The following EYA1 variants were observed in gnomAD, a reference collection of about 807,000 sequenced individuals.
The protein encoded by EYA1 is protein phosphatase EYA1.
Under a neutral mutation model 82.0 loss-of-function variants are expected in EYA1, and 16 were observed. The observed-to-expected ratio is 0.20, with a 90% CI of 0.13 to 0.30. The LOEUF (loss-of-function observed/expected upper bound fraction) is 0.30. Ranked by LOEUF, EYA1 falls within the 10% of genes least tolerant of loss-of-function variation. The pLI, the probability that EYA1 is intolerant of heterozygous loss-of-function variation, is 1.00. For missense variants in EYA1, 633 were observed against 730.7 expected, an observed-to-expected ratio of 0.87 and a Z score of 1.54; for synonymous variants, 261 against 264.4, an observed-to-expected ratio of 0.99 and a Z score of 0.12.
intron 2 of EYA1, among the ~76,000 whole-genome samples, chr8:71,427,317 G>A (rs1026814212): frequency 2.0e-5 from 3 of 152,010 alleles, no homozygotes; most frequent in African/African-American, 2.4e-5. Flanking sequence ...TTATTATATC[G>A]ACTCCCCTGC....
At chr8:71,231,541 TCA>T (rs1475801501) in intron 12 of EYA1, among the ~76,000 whole-genome samples, 6 of 152,348 alleles carry the variant, frequency 3.9e-5, no homozygotes, top group African/African-American at 1.4e-4. Context: ...ATCCCATCTC[TCA>T]GACTCTAGCT....
chr8:71,308,902 C>A (rs1166537058), intron 7 of EYA1, among the ~76,000 whole-genome samples: 1 of 152,064 alleles, frequency 6.6e-6, no homozygotes, highest in African/African-American at 2.4e-5. Context: ...GTTTGTCCCT[C>A]GTGTATTTTC....
chr8:71,508,450 C>A (rs1812357212), intron 2 of EYA1, among the ~76,000 whole-genome samples: 2 of 152,126 alleles, frequency 1.3e-5, no homozygotes, highest in African/African-American at 2.4e-5. Flanking sequence ...CAAACTAGTG[C>A]TTTGAAAGGA....
At chr8:71,276,813 C>T (rs1817228609) in intron 9 of EYA1, among the ~76,000 whole-genome samples, 1 of 152,174 alleles carries the variant, frequency 6.6e-6, no homozygotes, top group Non-Finnish European at 1.5e-5. Flanking sequence ...CATTTTGACT[C>T]TTGACTGTAC....
At chr8:71,450,350 TA>T (rs1807260001) in intron 2 of EYA1, among the ~76,000 whole-genome samples, 1 of 152,198 alleles carries the variant, frequency 6.6e-6, no homozygotes, top group South Asian at 2.1e-4. Context: ...ATTGTAGGGT[TA>T]TTAACAGACC....
At chr8:71,518,235 ATACT>A (rs1164043963) in intron 2 of EYA1, among the ~76,000 whole-genome samples, 1 of 152,102 alleles carries the variant, frequency 6.6e-6, no homozygotes, top group African/African-American at 2.4e-5. Context: ...TCTTTACTAC[ATACT>A]TACTTAGAGT....
At position 71,321,739 on chromosome 8, in the gene EYA1, G is replaced by A. The variant is rs1245501738; in HGVS notation, c.413C>T (p.Ser138Leu). The A allele has an allele frequency of 1.9e-6, 3 of 1,614,104 alleles. No individual in the cohort carries two copies. The highest frequency in any genetic ancestry group is 2.5e-6 in the Non-Finnish European group (3 of 1,179,980). The change falls in exon 6 of 18, where the codon TCA (serine) becomes TTA (leucine). Residue 138 changes from serine (S) to leucine (L), a missense_variant. Transcript: ENST00000340726. ...PQPGQPYGIS[S>L]YGALWAGIKT... is the part of the protein sequence containing the mutation. ...TACAGTTGCAGGTTACTCACCATAT[G>A]AGGAAATGCCGTACGGCTGTCCTGG...
In EYA1 at chr8:71,395,880, T is replaced by TACC. The variant is rs1376608264; in HGVS notation, c.34-39370_34-39369insGGT. Reference sequence around the variant, plus strand: ...CAGAAGGAATGGTACCAGCTCCTGTTTGTACATGTGGTAGAATTCGGCTGT... The same window carrying TACC: ...CAGAAGGAATGGTACCAGCTCCTGTTACCTGTACATGTGGTAGAATTCGGCTGT... On this transcript the variant is annotated intron_variant, in intron 2 of 18. Transcript: ENST00000643681. Among the ~76,000 whole-genome samples the TACC allele has an allele frequency of 6.2e-4, 94 of 152,288 alleles. 1 individual carries two copies. In the East Asian group the frequency reaches 0.015, roughly 24 times the overall value.
intron 7 of EYA1, among the ~76,000 whole-genome samples, chr8:71,309,393 C>G (rs1313653404): frequency 6.6e-6 from 1 of 151,486 alleles, no homozygotes; most frequent in African/African-American, 2.4e-5. Flanking sequence ...ACATAAAATG[C>G]CAAGAACTAA....
chr8:71,276,069 G>T (rs1817133180), intron 9 of EYA1, among the ~76,000 whole-genome samples: 1 of 152,112 alleles, frequency 6.6e-6, no homozygotes, highest in Admixed American at 6.5e-5. Flanking sequence ...TTTGCATCAG[G>T]ATATGAATCA....
chr8:71,275,637 G>C (rs866155302), intron 9 of EYA1, among the ~76,000 whole-genome samples: 23 of 152,306 alleles, frequency 1.5e-4, no homozygotes, highest in Middle Eastern at 6.8e-3. Context: ...AGTATGTCAG[G>C]AAGGAGAGAG....
At chr8:71,295,403 G>A (rs1228059012) in intron 9 of EYA1, among the ~76,000 whole-genome samples, 2 of 152,184 alleles carry the variant, frequency 1.3e-5, no homozygotes, top group Non-Finnish European at 2.9e-5. Context: ...ACCTGTTTAA[G>A]AAGTGGGCAA....
chr8:71,422,834 C>G (rs1028793476), intron 2 of EYA1, among the ~76,000 whole-genome samples: 4 of 152,206 alleles, frequency 2.6e-5, no homozygotes, highest in South Asian at 2.1e-4. Context: ...TAAATTACCC[C>G]CCACGGGATC....
At chr8:71,321,987 T>C in intron 5 of EYA1, 108 bp from the exon 6 acceptor site, 1 of 1,464,310 alleles carries the variant, frequency 6.8e-7, no homozygotes, top group Non-Finnish European at 9.5e-7. Context: ...TATCTTAAAG[T>C]AAAACTTTCA....
intron 2 of EYA1, among the ~76,000 whole-genome samples, chr8:71,394,445 A>T (rs982920526): frequency 6.6e-6 from 1 of 152,124 alleles, no homozygotes; most frequent in African/African-American, 2.4e-5. Flanking sequence ...TAAGTCTTTA[A>T]TCCATCTTGA....
chr8:71,333,142 ACAT>A lies in EYA1; in HGVS notation c.202+952_202+954del, dbSNP rs372151203. ...CTATGAAGTCAGCATGGCACCAACC[ACAT>A]TGCCAAGCAAAAGTCAAATTCTAAT... On this transcript the variant is annotated intron_variant, in intron 4 of 17. Transcript: ENST00000340726. Among the ~76,000 whole-genome samples the A allele has an allele frequency of 1.0e-3, 153 of 152,312 alleles. 1 individual carries two copies. Among genetic ancestry groups the A allele is most frequent in the African/African-American group, 3.3e-3 (137 of 41,566 alleles).
rs1241991242 is a variant in EYA1, at chr8:71,486,043, T to C, written c.33+49701A>G. Among the ~76,000 whole-genome samples, 7 of 152,186 alleles carry C rather than the reference T, an allele frequency of 4.6e-5. No homozygotes were observed. The East Asian group carries it at 1.3e-3, about 29-fold the overall frequency. Reference sequence around the variant, plus strand: ...ACCAACAGTTCTGGCGGAATCTTCATAGTGAGTATCGGGTTGCATGGTTTG... The same window carrying C: ...ACCAACAGTTCTGGCGGAATCTTCACAGTGAGTATCGGGTTGCATGGTTTG... On this transcript the variant is annotated intron_variant, in intron 2 of 18. Coordinates refer to the EYA1 transcript ENST00000643681.
intron 10 of EYA1, 139 bp downstream of exon 10, chr8:71,271,615 TTATC>T: frequency 4.5e-6 from 4 of 884,966 alleles, no homozygotes; most frequent in African/African-American, 1.7e-5. Context: ...AAATATTACT[TTATC>T]TATTGTTAAT....
chr8:71,456,077 A>G (rs1399523803), intron 2 of EYA1, among the ~76,000 whole-genome samples: 4 of 152,014 alleles, frequency 2.6e-5, no homozygotes, highest in South Asian at 2.1e-4. Context: ...TACAAAATCA[A>G]TGTGCAAAAA....
Sources: allele counts gnomAD v4.1 joint callset (sites outside exome capture counted in the v4.1 genomes callset), GRCh38; gene constraint gnomAD v4.1.1; transcripts MANE v1.5; gene names NCBI Gene and HGNC (gene_info 2026-07-23, HGNC 2026-07-21).